The following CALU variants were observed in gnomAD, a reference collection of about 807,000 sequenced individuals.
CALU encodes IEF SSP 9302.
In CALU, 13 loss-of-function variants were observed where a neutral mutation model predicts 37.5. That is an observed-to-expected ratio of 0.35 (90% CI 0.23 to 0.55). The LOEUF is 0.55. Among genes scored for constraint, CALU ranks in the 20% least tolerant of loss-of-function variants. The pLI is 0.89. For missense variants in CALU, 282 were observed against 391.7 expected, an observed-to-expected ratio of 0.72 and a Z score of 2.36; for synonymous variants, 114 against 133.8, an observed-to-expected ratio of 0.85 and a Z score of 1.02.
chr7:128,761,508 G>A (rs991412573), intron 5 of CALU: 2 of 152,184 alleles, frequency 1.3e-5, no homozygotes, highest in African/African-American at 4.8e-5. Context: ...CAGAATCAGA[G>A]CAGGTCAAAA....
chr7:128,747,334 G>A (rs867035503), intron 1 of CALU, among the ~76,000 whole-genome samples: 4 of 152,274 alleles, frequency 2.6e-5, no homozygotes, highest in Middle Eastern at 6.8e-3. Flanking sequence ...TCATGGTCTT[G>A]CTTTCACATT....
At chr7:128,757,972 A>G (rs1376884552) in intron 3 of CALU, among the ~76,000 whole-genome samples, 1 of 151,646 alleles carries the variant, frequency 6.6e-6, no homozygotes. Context: ...GTATGTATTT[A>G]AGTGCATAAT....
In CALU at chr7:128,756,508, T is replaced by TA. The variant is rs1336887403; in HGVS notation, c.415+2054dup. 2.6e-5 allele frequency among the ~76,000 whole-genome samples: 4 copies of TA among 152,312 alleles called. No individual in the cohort carries two copies. The East Asian group carries it at 7.7e-4, about 29-fold the overall frequency. On this transcript the variant is annotated intron_variant, in intron 3 of 6. Coordinates refer to ENST00000249364, the MANE Select transcript of CALU (RefSeq NM_001219.5). The stretch of plus-strand genomic sequence containing the variant: ...GCTTAGAGAAGTGAGGAGTTTTTGT[T>TA]ACTGTGTGTTCTTGATTCAATTTGG...
chr7:128,771,879 ATTAAC>A lies in CALU; in HGVS notation c.*2715_*2719del, dbSNP rs932786359. 1 of 152,510 alleles carries A rather than the reference ATTAAC, an allele frequency of 6.6e-6. No homozygotes were observed. The highest frequency in any genetic ancestry group is 1.5e-5 in the Non-Finnish European group (1 of 68,256). 9.4% of individuals were successfully genotyped at this position (152,510 alleles called of 1,614,324 possible). A position where few individuals can be genotyped will look rare whatever the true frequency, so the allele number is the denominator to read the frequency against. ...TTGAGAACCTCGAGAGAATTAAACT[ATTAAC>A]TTTAGTAAACACACAGTTTAAGACA... On this transcript the variant is annotated 3_prime_UTR_variant, in exon 7 of 7. Transcript: ENST00000249364.
At chr7:128,755,309 CAAAAAAAAAAA>C (rs59208090) in intron 3 of CALU, among the ~76,000 whole-genome samples, 11 of 51,528 alleles carry the variant, frequency 2.1e-4, no homozygotes, top group South Asian at 1.3e-3. Flanking sequence ...GAGCTCTGTC[CAAAAAAAAAAA>C]AAAAAAAAAA....
chr7:128,767,721 C>T, intron 6 of CALU, 66 bp downstream of exon 6: 6 of 1,327,318 alleles, frequency 4.5e-6, no homozygotes, highest in Non-Finnish European at 6.4e-6. Flanking sequence ...ATCACCTGAA[C>T]AGTTTCTGTT....
At chr7:128,760,599 A>G (rs1303849597) in intron 5 of CALU, among the ~76,000 whole-genome samples, 1 of 152,120 alleles carries the variant, frequency 6.6e-6, no homozygotes, top group Non-Finnish European at 1.5e-5. Flanking sequence ...TGCATGCTCT[A>G]TGGAACTGAT....
chr7:128,764,117 T>A (rs2128882516), intron 5 of CALU, among the ~76,000 whole-genome samples: 1 of 152,272 alleles, frequency 6.6e-6, no homozygotes, highest in Non-Finnish European at 1.5e-5. Flanking sequence ...TTAAGAAATT[T>A]AAACAGTTGT....
intron 5 of CALU, among the ~76,000 whole-genome samples, chr7:128,760,092 G>A (rs1266750169): frequency 6.6e-6 from 1 of 152,210 alleles, no homozygotes; most frequent in Non-Finnish European, 1.5e-5. Flanking sequence ...CAGCTACTCA[G>A]GAGGCTGAGG....
chr7:128,741,620 A>C (rs1368125877), intron 1 of CALU, among the ~76,000 whole-genome samples: 2 of 152,212 alleles, frequency 1.3e-5, no homozygotes, highest in Admixed American at 1.3e-4. Context: ...CATAGTAGGT[A>C]GGTCTTCTAG....
At chr7:128,742,737 C>T (rs756821691) in intron 1 of CALU, among the ~76,000 whole-genome samples, 7 of 152,056 alleles carry the variant, frequency 4.6e-5, no homozygotes, top group Non-Finnish European at 1.0e-4. Flanking sequence ...TCGAAGAAAC[C>T]AATTCTTAAG....
At chr7:128,740,116 C>T (rs535127379) in intron 1 of CALU, among the ~76,000 whole-genome samples, 1 of 152,262 alleles carries the variant, frequency 6.6e-6, no homozygotes, top group African/African-American at 2.4e-5. Flanking sequence ...AGCCCCATAT[C>T]CTACTGATTT....
chr7:128,753,415 C>T (rs1349988352), intron 2 of CALU, among the ~76,000 whole-genome samples: 2 of 152,206 alleles, frequency 1.3e-5, no homozygotes, highest in South Asian at 2.1e-4. Flanking sequence ...ATATCATGGA[C>T]ATATTTTTAA....
intron 6 of CALU, among the ~76,000 whole-genome samples, chr7:128,768,530 C>CT (rs1445087230): frequency 6.6e-6 from 1 of 152,152 alleles, no homozygotes; most frequent in African/African-American, 2.4e-5. Flanking sequence ...CCACTTTTAA[C>CT]TTTCTTGATA....
At chr7:128,754,615 A>T in intron 3 of CALU, 160 bp downstream of exon 3, 2 of 1,552,030 alleles carry the variant, frequency 1.3e-6, no homozygotes, top group Non-Finnish European at 8.7e-7. Flanking sequence ...GCCCAGAAGA[A>T]ATACATATAT....
intron 6 of CALU, among the ~76,000 whole-genome samples, 198 bp from the exon 7 acceptor site, chr7:128,768,865 A>AAAAAAAAAAAAAAAAAAC (rs1182808052): frequency 6.6e-6 from 1 of 150,902 alleles, no homozygotes; most frequent in Non-Finnish European, 1.5e-5. Context: ...AAAAAAAAAA[A>AAAAAAAAAAAAAAAAAAC]AAACAAGGAA....
Position 128,769,118 on chromosome 7 carries a change from G to C in CALU, c.899G>C (p.Ser300Thr). Reference protein sequence around the residue: ...IVDKYDLFVGSQATDFGEALV... With the variant: ...IVDKYDLFVGTQATDFGEALV... ...GACAAGTATGACTTATTTGTTGGCA[G>C]CCAGGCCACAGATTTTGGGGAGGCC... The change falls in exon 7 of 7, where the codon AGC becomes ACC. Residue 300 changes from serine (S) to threonine (T), a missense_variant. Ser to Thr is a moderately conservative substitution (Grantham distance 58). Transcript: ENST00000249364. 6.2e-7 allele frequency: 1 copy of C among 1,613,464 alleles called. No homozygotes were observed. The highest frequency in any genetic ancestry group is 8.5e-7 in the Non-Finnish European group (1 of 1,179,486).
Position 128,773,121 on chromosome 7 carries a change from C to T in CALU, c.*3954C>T, listed in dbSNP as rs1415968241. 1.3e-5 allele frequency among the ~76,000 whole-genome samples: 2 copies of T among 152,142 alleles called. No homozygotes were observed. Among genetic ancestry groups the T allele is most frequent in the East Asian group, 3.8e-4 (2 of 5,196 alleles). ...GATTTCAGATGGGATAGGAAATCCC[C>T]CAGTACCTTCAGATGATAAGATATT... On this transcript the variant is annotated 3_prime_UTR_variant, in exon 7 of 7. Transcript: ENST00000249364.
intron 1 of CALU, among the ~76,000 whole-genome samples, chr7:128,741,533 A>G (rs1397286992): frequency 6.6e-6 from 1 of 152,212 alleles, no homozygotes; most frequent in East Asian, 1.9e-4. Context: ...GACGAGTTTT[A>G]TAGAAGTTTA....
Sources: allele counts gnomAD v4.1 joint callset (sites outside exome capture counted in the v4.1 genomes callset), GRCh38; gene constraint gnomAD v4.1.1; transcripts MANE v1.5; gene names NCBI Gene and HGNC (gene_info 2026-07-23, HGNC 2026-07-21).